The following PPHLN1 variants were observed in gnomAD, a reference collection of about 807,000 sequenced individuals.
PPHLN1 encodes the protein periphilin 1.
A neutral mutation model predicts 51.3 loss-of-function variants in PPHLN1; 29 were observed. The ratio of observed to expected loss-of-function variants is 0.57; its 90% CI spans 0.42 to 0.77. The LOEUF is 0.77. PPHLN1 is among the 30% of genes least tolerant of loss of function. The pLI, the probability that PPHLN1 is intolerant of heterozygous loss-of-function variation, is 0.00. For missense variants in PPHLN1, 436 were observed against 438.4 expected (o/e 0.99, Z 0.05); for synonymous variants, 147 against 147.8 (o/e 0.99, Z 0.04).
intron 9 of PPHLN1, among the ~76,000 whole-genome samples, chr12:42,428,719 C>T (rs1037377015): frequency 2.0e-5 from 3 of 151,756 alleles, no homozygotes; most frequent in African/African-American, 4.8e-5. Flanking sequence ...CAGATCACCA[C>T]CATAGAACTT....
At chr12:42,386,766 G>A (rs1796384) in intron 6 of PPHLN1, among the ~76,000 whole-genome samples, 92,433 of 152,018 alleles carry the variant, frequency 0.61, 28,266 homozygotes, top group Admixed American at 0.67. Flanking sequence ...TTAGGGAGTT[G>A]TTGAACCTGC....
chr12:42,444,956 G>A, downstream of PPHLN1: 1 of 670,590 alleles, frequency 1.5e-6, no homozygotes, highest in Non-Finnish European at 2.7e-6. Flanking sequence ...AGAGAGCTGA[G>A]GTTGGAGCCC....
At chr12:42,419,880 G>A (rs1036171822) in intron 9 of PPHLN1, among the ~76,000 whole-genome samples, 3 of 152,170 alleles carry the variant, frequency 2.0e-5, no homozygotes, top group African/African-American at 7.2e-5. Flanking sequence ...TGCTAAGAAA[G>A]CAATTTAACC....
intron 4 of PPHLN1, among the ~76,000 whole-genome samples, chr12:42,356,128 C>G (rs2074025049): frequency 6.6e-6 from 1 of 152,112 alleles, no homozygotes; most frequent in African/African-American, 2.4e-5. Flanking sequence ...TAAAAGGAGC[C>G]TTGTAGAGAT....
intron 7 of PPHLN1, among the ~76,000 whole-genome samples, chr12:42,390,224 C>T (rs1404672370): frequency 6.6e-6 from 1 of 152,162 alleles, no homozygotes; most frequent in Non-Finnish European, 1.5e-5. Flanking sequence ...TTTGTGACAA[C>T]TTGTATCTTT....
chr12:42,422,968 G>A (rs1233433428), intron 9 of PPHLN1, among the ~76,000 whole-genome samples: 1 of 152,090 alleles, frequency 6.6e-6, no homozygotes, highest in African/African-American at 2.4e-5. Context: ...ACTAACACCC[G>A]GTATTTACCT....
intron 5 of PPHLN1, among the ~76,000 whole-genome samples, chr12:42,383,983 C>CAAAAAAA (rs61016692): frequency 8.3e-4 from 43 of 51,642 alleles, no homozygotes; most frequent in East Asian, 2.8e-3. Flanking sequence ...GACTGTGTCT[C>CAAAAAAA]AAAAAAAAAA....
At chr12:42,437,529 AT>A (rs1340338286) in intron 9 of PPHLN1, among the ~76,000 whole-genome samples, 1 of 151,992 alleles carries the variant, frequency 6.6e-6, no homozygotes, top group Admixed American at 6.6e-5. Flanking sequence ...ATTTAATTTT[AT>A]TTTTTGGAGC....
intron 9 of PPHLN1, chr12:42,431,869 G>A (rs1239399727): frequency 1.3e-6 from 2 of 1,589,370 alleles, no homozygotes; most frequent in Non-Finnish European, 1.7e-6. Flanking sequence ...AGCTGTATCA[G>A]ATTCAGTCAT....
At chr12:42,338,613 G>A (rs1453722293) in intron 2 of PPHLN1, among the ~76,000 whole-genome samples, 3 of 152,330 alleles carry the variant, frequency 2.0e-5, no homozygotes, top group South Asian at 2.1e-4. Flanking sequence ...ACAGTTTTGA[G>A]TGAAGTTCAG....
At chr12:42,370,516 T>C (rs1592478003) in intron 4 of PPHLN1, among the ~76,000 whole-genome samples, 1 of 152,228 alleles carries the variant, frequency 6.6e-6, no homozygotes, top group African/African-American at 2.4e-5. Context: ...ATTCTTCTCT[T>C]CTACTTAGTC....
intron 9 of PPHLN1, among the ~76,000 whole-genome samples, chr12:42,410,235 A>G (rs2079686625): frequency 6.6e-6 from 1 of 151,944 alleles, no homozygotes; most frequent in Non-Finnish European, 1.5e-5. Flanking sequence ...TAAGGACCCC[A>G]TGTAAAGCAA....
At chr12:42,414,209 A>G (rs894936170) in intron 9 of PPHLN1, among the ~76,000 whole-genome samples, 1 of 151,504 alleles carries the variant, frequency 6.6e-6, no homozygotes, top group Admixed American at 6.6e-5. Context: ...TTATTTTTGT[A>G]TTTTTAGTAG....
chr12:42,347,873 C>T (rs752958860), intron 2 of PPHLN1, among the ~76,000 whole-genome samples: 5 of 152,124 alleles, frequency 3.3e-5, no homozygotes, highest in South Asian at 2.1e-4. Context: ...GGATAAGACA[C>T]GAACGCTTTA....
At chr12:42,382,063 G>A (rs1424062490) in intron 5 of PPHLN1, among the ~76,000 whole-genome samples, 1 of 152,146 alleles carries the variant, frequency 6.6e-6, no homozygotes, top group Admixed American at 6.5e-5. Context: ...AGCACTTGAT[G>A]TAGGAGGATT....
chr12:42,442,484 G>A (rs184685703), downstream of PPHLN1, among the ~76,000 whole-genome samples: 155 of 152,352 alleles, frequency 1.0e-3, 1 homozygote, highest in Non-Finnish European at 2.1e-3. Context: ...GTTGGCTTCA[G>A]GCCTTTGGCG....
At chr12:42,355,095 G>T in intron 3 of PPHLN1, 66 bp from the exon 4 acceptor site, 4 of 1,444,454 alleles carry the variant, frequency 2.8e-6, no homozygotes, top group Non-Finnish European at 3.9e-6. Context: ...TGGTAGTATT[G>T]TTAGATATGT....
At chr12:42,332,691 A>G (rs1356870903) in intron 1 of PPHLN1, 3 of 1,544,976 alleles carry the variant, frequency 1.9e-6, no homozygotes, top group Non-Finnish European at 2.7e-6. Context: ...TTTGATTCCT[A>G]AAAGGACTCA....
At chr12:42,445,063 T>C (rs943833654), downstream of PPHLN1, 8 of 702,282 alleles carry the variant, frequency 1.1e-5, no homozygotes, top group African/African-American at 8.7e-5. Flanking sequence ...GAAACAGCCC[T>C]CATTAAGTCT....
Sources: allele counts gnomAD v4.1 joint callset (sites outside exome capture counted in the v4.1 genomes callset), GRCh38; gene constraint gnomAD v4.1.1; transcripts MANE v1.5; gene names NCBI Gene and HGNC (gene_info 2026-07-23, HGNC 2026-07-21).